The following DNM3 variants were observed in gnomAD, a reference collection of about 807,000 sequenced individuals.
DNM3 encodes the protein dynamin 3, also known as dynamin-3.
DNM3 carries 47 observed loss-of-function variants against 101.6 expected under a neutral mutation model. The observed-to-expected ratio is 0.46, with a 90% CI of 0.37 to 0.59. The LOEUF (loss-of-function observed/expected upper bound fraction) is 0.59, where lower values mean the gene tolerates loss of function less well. Ranked by LOEUF, DNM3 falls within the 20% of genes least tolerant of loss-of-function variation. The pLI, the probability that DNM3 is intolerant of heterozygous loss-of-function variation, is 0.00. For synonymous variants in DNM3, 385 were observed against 387.9 expected (o/e 0.99, Z 0.09); for missense variants, 849 against 1,085.7 (o/e 0.78, Z 3.06).
chr1:172,323,387 C>A (rs1386519124), intron 17 of DNM3, 47 bp downstream of exon 17: 1 of 1,589,636 alleles, frequency 6.3e-7, no homozygotes, highest in Non-Finnish European at 8.6e-7. Flanking sequence ...CCAGCCCCTG[C>A]TCCGCTCCTG....
At chr1:172,158,243 G>A (rs886368273) in intron 14 of DNM3, among the ~76,000 whole-genome samples, 2 of 151,918 alleles carry the variant, frequency 1.3e-5, no homozygotes, top group Non-Finnish European at 2.9e-5. Context: ...GCTAGAATAA[G>A]GTGAGGGGAA....
At chr1:171,876,295 G>A (rs867078661) in intron 1 of DNM3, among the ~76,000 whole-genome samples, 16 of 152,032 alleles carry the variant, frequency 1.1e-4, no homozygotes, top group African/African-American at 3.6e-4. Context: ...ATACTACTAG[G>A]CCTACTTTAT....
intron 15 of DNM3, among the ~76,000 whole-genome samples, chr1:172,287,023 G>A (rs920784692): frequency 6.6e-5 from 10 of 152,102 alleles, no homozygotes; most frequent in Non-Finnish European, 1.5e-4. Context: ...CTGCAGGCAC[G>A]TCTTGCTCAA....
At chr1:172,174,249 AT>A (rs1003914988) in intron 14 of DNM3, among the ~76,000 whole-genome samples, 2 of 151,000 alleles carry the variant, frequency 1.3e-5, no homozygotes, top group Non-Finnish European at 1.5e-5. Flanking sequence ...GTATAGAATG[AT>A]TTTTTTTTCT....
intron 2 of DNM3, among the ~76,000 whole-genome samples, chr1:171,950,947 C>G (rs1358566327): frequency 6.6e-6 from 1 of 152,078 alleles, no homozygotes; most frequent in African/African-American, 2.4e-5. Context: ...CCTCCTCCTC[C>G]TCCTTCTCCT....
intron 17 of DNM3, among the ~76,000 whole-genome samples, chr1:172,374,702 T>C (rs1349907499): frequency 6.6e-6 from 1 of 152,110 alleles, no homozygotes; most frequent in Non-Finnish European, 1.5e-5. Flanking sequence ...TGACGGCCCA[T>C]GCTGCTTTCA....
At chr1:172,032,296 GA>G in intron 4 of DNM3, 105 bp from the exon 5 acceptor site, 2 of 841,644 alleles carry the variant, frequency 2.4e-6, no homozygotes, top group Non-Finnish European at 3.9e-6. Flanking sequence ...AAGGAAATGG[GA>G]AAAGGACCAG....
intron 11 of DNM3, among the ~76,000 whole-genome samples, chr1:172,072,500 C>A (rs532104410): frequency 6.6e-6 from 1 of 152,266 alleles, no homozygotes; most frequent in Admixed American, 6.5e-5. Context: ...AAGCCTCCAG[C>A]CTATAGCACT....
At chr1:172,134,051 C>T (rs2761190) in intron 14 of DNM3, among the ~76,000 whole-genome samples, 8,920 of 152,078 alleles carry the variant, frequency 0.059, 320 homozygotes, top group Middle Eastern at 0.13. Context: ...GGGGTGGATG[C>T]GTGAAGGGAG....
chr1:172,244,072 G>C (rs924382136), intron 14 of DNM3, among the ~76,000 whole-genome samples: 1 of 151,854 alleles, frequency 6.6e-6, no homozygotes, highest in Admixed American at 6.6e-5. Flanking sequence ...GTGTCCGTGT[G>C]ATCTCATTGT....
intron 2 of DNM3, among the ~76,000 whole-genome samples, chr1:171,975,716 T>A (rs1343436116): frequency 6.6e-6 from 1 of 152,228 alleles, no homozygotes; most frequent in Non-Finnish European, 1.5e-5. Context: ...TTGTAGAAAC[T>A]GACAAGCTGA....
chr1:172,281,496 T>G (rs1290382288), intron 15 of DNM3, among the ~76,000 whole-genome samples: 1 of 152,128 alleles, frequency 6.6e-6, no homozygotes, highest in Non-Finnish European at 1.5e-5. Flanking sequence ...CATATGGAGC[T>G]CTAATAGAAG....
intron 14 of DNM3, among the ~76,000 whole-genome samples, chr1:172,171,297 A>G (rs886114395): frequency 1.3e-5 from 2 of 151,800 alleles, no homozygotes; most frequent in African/African-American, 4.8e-5. Context: ...GACATGTAAC[A>G]ATAAAAATGC....
intron 6 of DNM3, among the ~76,000 whole-genome samples, chr1:172,036,548 G>A (rs949786360): frequency 1.8e-4 from 27 of 152,212 alleles, no homozygotes; most frequent in Admixed American, 4.6e-4. Context: ...ATGGGGAAAG[G>A]ATTCCCTATT....
At chr1:171,975,179 T>C (rs186819300) in intron 2 of DNM3, among the ~76,000 whole-genome samples, 61 of 152,274 alleles carry the variant, frequency 4.0e-4, no homozygotes, top group Non-Finnish European at 3.1e-4. Flanking sequence ...TTTAAAAAAC[T>C]TTCAAGAAAT....
chr1:172,044,544 T>A, intron 9 of DNM3, 92 bp downstream of exon 9: 1 of 1,074,252 alleles, frequency 9.3e-7, no homozygotes, highest in Non-Finnish European at 1.4e-6. Context: ...TTTTCATCAT[T>A]GAATAGGGTA....
chr1:172,235,251 T>C (rs7524887), intron 14 of DNM3, among the ~76,000 whole-genome samples: 150,751 of 152,332 alleles, frequency 0.99, 74,601 homozygotes, highest in Middle Eastern at 1. Flanking sequence ...AAAAAATGCT[T>C]ATCATCACTG....
intron 15 of DNM3, among the ~76,000 whole-genome samples, chr1:172,294,203 T>G (rs1259842135): frequency 1.3e-5 from 2 of 152,210 alleles, no homozygotes; most frequent in Admixed American, 6.5e-5. Context: ...CAATAAACTT[T>G]CATGCTTGGA....
intron 4 of DNM3, among the ~76,000 whole-genome samples, chr1:172,010,723 T>A: frequency 7.4e-6 from 1 of 135,780 alleles, no homozygotes. Context: ...TGTGTGTGTG[T>A]AGCTGATGTT....
Sources: allele counts gnomAD v4.1 joint callset (sites outside exome capture counted in the v4.1 genomes callset), GRCh38; gene constraint gnomAD v4.1.1; transcripts MANE v1.5; gene names NCBI Gene and HGNC (gene_info 2026-07-23, HGNC 2026-07-21).